Variants in PLCH1 observed in about 807,000 individuals in gnomAD.
The protein encoded by PLCH1 is 1-phosphatidylinositol 4,5-bisphosphate phosphodiesterase eta-1.
A neutral mutation model predicts 126.7 loss-of-function variants in PLCH1; 60 were observed. That is an observed-to-expected ratio of 0.47 (90% confidence interval 0.38 to 0.59). The LOEUF is 0.59. Among genes scored for constraint, PLCH1 ranks in the 20% least tolerant of loss-of-function variants. The pLI, the probability that PLCH1 is intolerant of heterozygous loss-of-function variation, is 0.00. For missense variants in PLCH1, 1,723 were observed against 2,040.0 expected, an observed-to-expected ratio of 0.84 and a Z score of 2.99; for synonymous variants, 719 against 734.9, an observed-to-expected ratio of 0.98 and a Z score of 0.35.
At chr3:155,559,387 A>C (rs1267281207) in intron 8 of PLCH1, among the ~76,000 whole-genome samples, 1 of 152,140 alleles carries the variant, frequency 6.6e-6, no homozygotes, top group Non-Finnish European at 1.5e-5. Flanking sequence ...CCTACAATAC[A>C]TTCAAATCCA....
At chr3:155,552,306 T>C (rs973233037) in intron 9 of PLCH1, among the ~76,000 whole-genome samples, 7 of 152,250 alleles carry the variant, frequency 4.6e-5, no homozygotes, top group African/African-American at 1.7e-4. Context: ...AGATTGCTCA[T>C]ATTTTCAGTG....
At chr3:155,503,696 C>G (rs1359141199) in intron 13 of PLCH1, among the ~76,000 whole-genome samples, 1 of 152,136 alleles carries the variant, frequency 6.6e-6, no homozygotes, top group Non-Finnish European at 1.5e-5. Flanking sequence ...CACCACCACA[C>G]CTGGCTAATT....
chr3:155,698,639 A>G (rs1299099118), intron 2 of PLCH1, among the ~76,000 whole-genome samples: 1 of 152,234 alleles, frequency 6.6e-6, no homozygotes. Flanking sequence ...GTCATTTTCC[A>G]TAAATGCCAG....
At chr3:155,724,021 G>A (rs1244577414) in intron 1 of PLCH1, among the ~76,000 whole-genome samples, 1 of 151,766 alleles carries the variant, frequency 6.6e-6, no homozygotes, top group Admixed American at 6.6e-5. Context: ...TCAGGTGCAG[G>A]TTATTTAATT....
chr3:155,708,275 ATAGAGT>A (rs1207000607), intron 1 of PLCH1, among the ~76,000 whole-genome samples: 2 of 152,180 alleles, frequency 1.3e-5, no homozygotes, highest in African/African-American at 4.8e-5. Context: ...GAGATAATAA[ATAGAGT>A]TAGTAGGCCT....
At chr3:155,621,078 C>T (rs6803070) in intron 2 of PLCH1, among the ~76,000 whole-genome samples, 73,795 of 151,964 alleles carry the variant, frequency 0.49, 20,316 homozygotes, top group African/African-American at 0.74. Context: ...AGGCTGCAAT[C>T]TTTGCTGTTC....
intron 2 of PLCH1, among the ~76,000 whole-genome samples, chr3:155,608,860 G>A (rs1269528056): frequency 6.6e-6 from 1 of 152,160 alleles, no homozygotes; most frequent in Non-Finnish European, 1.5e-5. Context: ...GGCCAACTTA[G>A]AGCAAGCTTA....
chr3:155,657,357 C>G (rs1741527760), intron 2 of PLCH1, among the ~76,000 whole-genome samples: 1 of 152,098 alleles, frequency 6.6e-6, no homozygotes, highest in Non-Finnish European at 1.5e-5. Flanking sequence ...TGGTCTCTGT[C>G]AGTTGAGAAG....
At chr3:155,676,071 G>A in intron 2 of PLCH1, 1 of 1,488,492 alleles carries the variant, frequency 6.7e-7, no homozygotes, top group Non-Finnish European at 9.0e-7. Context: ...TTATTGGCAA[G>A]AGCAGTACAA....
intron 8 of PLCH1, among the ~76,000 whole-genome samples, chr3:155,559,383 A>G (rs1195328872): frequency 6.6e-6 from 1 of 152,148 alleles, no homozygotes; most frequent in Non-Finnish European, 1.5e-5. Flanking sequence ...CCTTCCTACA[A>G]TACATTCAAA....
intron 2 of PLCH1, among the ~76,000 whole-genome samples, chr3:155,617,725 T>C (rs1027597139): frequency 2.0e-5 from 3 of 152,204 alleles, no homozygotes; most frequent in African/African-American, 7.2e-5. Context: ...GGCATTCTTT[T>C]AAATAGAAAC....
chr3:155,471,665 AC>A (rs1477147491), intron 21 of PLCH1, among the ~76,000 whole-genome samples: 1 of 147,626 alleles, frequency 6.8e-6, no homozygotes, highest in Non-Finnish European at 1.5e-5. Context: ...AAAATTGACC[AC>A]ATACTTGGAA....
intron 10 of PLCH1, among the ~76,000 whole-genome samples, chr3:155,538,561 A>C (rs1358793386): frequency 6.6e-6 from 1 of 152,110 alleles, no homozygotes; most frequent in Non-Finnish European, 1.5e-5. Flanking sequence ...AAACAAAATG[A>C]GAGATATTAC....
chr3:155,734,769 T>C (rs969487504), intron 1 of PLCH1, among the ~76,000 whole-genome samples: 3 of 150,142 alleles, frequency 2.0e-5, no homozygotes, highest in East Asian at 3.9e-4. Context: ...AGTGCAGTGG[T>C]GCAATCTCGG....
chr3:155,653,108 T>A (rs548488786), intron 2 of PLCH1, among the ~76,000 whole-genome samples: 1 of 151,240 alleles, frequency 6.6e-6, no homozygotes, highest in Non-Finnish European at 1.5e-5. Flanking sequence ...CAGATACAGA[T>A]ATAGATGTAG....
chr3:155,545,537 A>AT (rs1340795265), intron 10 of PLCH1, among the ~76,000 whole-genome samples: 3 of 151,912 alleles, frequency 2.0e-5, no homozygotes, highest in Non-Finnish European at 2.9e-5. Flanking sequence ...AACTCATTTT[A>AT]TGAGGCCAGC....
chr3:155,608,134 A>C (rs1253060969), intron 2 of PLCH1, among the ~76,000 whole-genome samples: 1 of 152,150 alleles, frequency 6.6e-6, no homozygotes. Flanking sequence ...AAGTAGAAGA[A>C]GCAGCAGGAA....
At chr3:155,518,814 TCTCA>T (rs1720692497) in intron 11 of PLCH1, among the ~76,000 whole-genome samples, 2 of 152,186 alleles carry the variant, frequency 1.3e-5, no homozygotes, top group African/African-American at 4.8e-5. Context: ...CATTTCCTTC[TCTCA>T]CTCAGGGCCT....
chr3:155,645,414 T>C (rs1180941207), intron 2 of PLCH1, among the ~76,000 whole-genome samples: 2 of 152,182 alleles, frequency 1.3e-5, no homozygotes, highest in African/African-American at 2.4e-5. Context: ...TTTGTTTTAC[T>C]CCTAGTATAA....
Sources: gnomAD v4.1 joint callset for allele counts (sites outside exome capture counted in the v4.1 genomes callset) on GRCh38, gnomAD v4.1.1 for gene constraint, MANE v1.5 for transcripts, NCBI Gene and HGNC (gene_info 2026-07-23, HGNC 2026-07-21) for gene names.